PDE4B: variants seen among roughly 807,000 people sequenced by gnomAD.
The protein encoded by PDE4B is 3',5'-cyclic-AMP phosphodiesterase 4B.
A neutral mutation model predicts 82.2 loss-of-function variants in PDE4B; 20 were observed. The observed-to-expected ratio is 0.24, with a 90% CI of 0.17 to 0.35. The LOEUF (loss-of-function observed/expected upper bound fraction) is 0.35. PDE4B is among the 10% of genes least tolerant of loss of function. The pLI is 1.00. For missense variants in PDE4B, 655 were observed against 907.2 expected, an observed-to-expected ratio of 0.72 and a Z score of 3.57; for synonymous variants, 320 against 318.9, an observed-to-expected ratio of 1.00 and a Z score of -0.04.
intron 3 of PDE4B, among the ~76,000 whole-genome samples, chr1:65,934,843 C>T (rs1248040405): frequency 6.6e-6 from 1 of 152,110 alleles, no homozygotes; most frequent in Non-Finnish European, 1.5e-5. Context: ...ATGTACCCAA[C>T]ATCAGAGCAT....
chr1:66,304,183 C>T (rs186262396), intron 7 of PDE4B, among the ~76,000 whole-genome samples: 1 of 152,054 alleles, frequency 6.6e-6, no homozygotes, highest in Non-Finnish European at 1.5e-5. Context: ...TCAGTGAGGT[C>T]ATTTCTGCAA....
intron 1 of PDE4B, among the ~76,000 whole-genome samples, chr1:65,889,639 C>A (rs1424708917): frequency 6.6e-6 from 1 of 152,056 alleles, no homozygotes; most frequent in Non-Finnish European, 1.5e-5. Flanking sequence ...TAATGAGGTG[C>A]CAAATAACTC....
At chr1:65,960,087 G>A (rs1020376084) in intron 3 of PDE4B, among the ~76,000 whole-genome samples, 4 of 152,104 alleles carry the variant, frequency 2.6e-5, no homozygotes, top group Admixed American at 2.6e-4. Context: ...TATTGCATTT[G>A]CTATTTTTAG....
intron 7 of PDE4B, chr1:66,330,678 T>C (rs1284307080): frequency 4.7e-6 from 3 of 643,890 alleles, no homozygotes; most frequent in Non-Finnish European, 1.9e-6. Context: ...GGAATGAGAA[T>C]GGGAGGGTTC....
At chr1:65,977,950 T>C (rs1217510459) in intron 3 of PDE4B, among the ~76,000 whole-genome samples, 1 of 152,058 alleles carries the variant, frequency 6.6e-6, no homozygotes, top group African/African-American at 2.4e-5. Flanking sequence ...TGCAAAGGAG[T>C]ATACTATTCA....
chr1:66,162,012 G>A (rs1646622881), intron 3 of PDE4B, among the ~76,000 whole-genome samples: 1 of 152,046 alleles, frequency 6.6e-6, no homozygotes. Context: ...ACTATATGAA[G>A]CCCTTAGCAC....
intron 1 of PDE4B, among the ~76,000 whole-genome samples, chr1:65,868,696 T>G (rs1336732768): frequency 6.6e-6 from 1 of 152,150 alleles, no homozygotes; most frequent in Non-Finnish European, 1.5e-5. Flanking sequence ...GTCTGTGGCC[T>G]GTTAGGAATT....
chr1:66,057,999 T>C (rs960690958), intron 3 of PDE4B, among the ~76,000 whole-genome samples: 6 of 152,150 alleles, frequency 3.9e-5, no homozygotes, highest in Non-Finnish European at 8.8e-5. Flanking sequence ...CAAGGCAAGT[T>C]CCTTTCGCCT....
At chr1:66,071,038 T>C (rs992230573) in intron 3 of PDE4B, among the ~76,000 whole-genome samples, 2 of 152,062 alleles carry the variant, frequency 1.3e-5, no homozygotes, top group Non-Finnish European at 2.9e-5. Context: ...ATTATGTTAA[T>C]AATTTTTCTT....
chr1:65,947,663 A>G (rs1648780310), intron 3 of PDE4B, among the ~76,000 whole-genome samples: 2 of 152,016 alleles, frequency 1.3e-5, no homozygotes, highest in African/African-American at 4.8e-5. Flanking sequence ...ACACAGCTAT[A>G]GACACAGAGG....
At chr1:66,296,998 C>T (rs1422004784) in intron 7 of PDE4B, among the ~76,000 whole-genome samples, 2 of 152,132 alleles carry the variant, frequency 1.3e-5, no homozygotes, top group East Asian at 1.9e-4. Flanking sequence ...TTAATCATTC[C>T]AAGGCTGTTT....
chr1:66,000,684 A>C (rs1026755938), intron 3 of PDE4B, among the ~76,000 whole-genome samples: 4 of 152,204 alleles, frequency 2.6e-5, no homozygotes, highest in Middle Eastern at 3.2e-3. Flanking sequence ...ACTGCTTCTC[A>C]AAACCTTTGT....
intron 8 of PDE4B, among the ~76,000 whole-genome samples, chr1:66,346,731 A>G (rs1661423992): frequency 6.6e-6 from 1 of 152,184 alleles, no homozygotes; most frequent in South Asian, 2.1e-4. Flanking sequence ...CAAAGAACCA[A>G]CTGAAACTTC....
At chr1:66,191,881 A>G (rs1647839968) in intron 3 of PDE4B, among the ~76,000 whole-genome samples, 1 of 152,116 alleles carries the variant, frequency 6.6e-6, no homozygotes, top group South Asian at 2.1e-4. Context: ...TAAAACCATC[A>G]GATCTTGTGA....
chr1:66,172,913 T>G (rs923199196), intron 3 of PDE4B, among the ~76,000 whole-genome samples: 1 of 152,260 alleles, frequency 6.6e-6, no homozygotes, highest in Non-Finnish European at 1.5e-5. Flanking sequence ...CTTTTTGGTA[T>G]GTACTTAGTA....
intron 1 of PDE4B, among the ~76,000 whole-genome samples, chr1:65,849,691 A>C (rs1366946556): frequency 2.6e-5 from 4 of 151,556 alleles, no homozygotes; most frequent in African/African-American, 9.7e-5. Flanking sequence ...ACTTTTAGAT[A>C]CTGGGCACTG....
intron 3 of PDE4B, among the ~76,000 whole-genome samples, chr1:66,152,695 C>T (rs1273482407): frequency 1.3e-5 from 2 of 151,290 alleles, no homozygotes; most frequent in Non-Finnish European, 2.9e-5. Context: ...AAGGAACCAG[C>T]TCACATAGTT....
chr1:65,911,230 A>T (rs972736501), intron 1 of PDE4B, among the ~76,000 whole-genome samples: 2 of 152,152 alleles, frequency 1.3e-5, no homozygotes, highest in Non-Finnish European at 2.9e-5. Flanking sequence ...AAGCTTCCTC[A>T]TCATGGCATC....
chr1:66,339,783 A>AT (rs576333962), intron 8 of PDE4B, among the ~76,000 whole-genome samples: 90 of 151,224 alleles, frequency 6.0e-4, no homozygotes, highest in African/African-American at 2.1e-3. Context: ...TTTAGTCTCC[A>AT]TTTTTTTAAT....
Sources: gnomAD v4.1 joint callset for allele counts (sites outside exome capture counted in the v4.1 genomes callset) on GRCh38, gnomAD v4.1.1 for gene constraint, MANE v1.5 for transcripts, NCBI Gene and HGNC (gene_info 2026-07-23, HGNC 2026-07-21) for gene names.